NRXN1: variants seen among roughly 807,000 people sequenced by gnomAD.
NRXN1 encodes the protein neurexin-1.
A neutral mutation model predicts 150.9 loss-of-function variants in NRXN1; 39 were observed. That is an observed-to-expected ratio of 0.26 (90% confidence interval 0.20 to 0.34). The LOEUF (loss-of-function observed/expected upper bound fraction) is 0.34. Ranked by LOEUF, NRXN1 falls within the 10% of genes least tolerant of loss-of-function variation. NRXN1 has a pLI of 1.00. For missense variants in NRXN1, 1,815 were observed against 1,949.9 expected (o/e 0.93, Z 1.30); for synonymous variants, 924 against 757.0 (o/e 1.22, Z -3.62).
intron 5 of NRXN1, among the ~76,000 whole-genome samples, chr2:50,897,474 G>T (rs957131353): frequency 1.4e-4 from 22 of 152,074 alleles, no homozygotes; most frequent in Admixed American, 1.4e-3. Flanking sequence ...AGGTGCTGAA[G>T]GGATACAAAG....
intron 17 of NRXN1, among the ~76,000 whole-genome samples, chr2:50,397,302 G>A (rs1172827101): frequency 6.6e-6 from 1 of 152,076 alleles, no homozygotes; most frequent in Non-Finnish European, 1.5e-5. Context: ...TGTGCTTTAA[G>A]ATGGAAGACA....
chr2:50,282,867 A>G (rs2071644198), intron 17 of NRXN1, among the ~76,000 whole-genome samples: 1 of 152,178 alleles, frequency 6.6e-6, no homozygotes, highest in Admixed American at 6.5e-5. Context: ...TGTATCAATT[A>G]ACAATATTAT....
chr2:50,069,854 T>TTG (rs1553557630), intron 19 of NRXN1, among the ~76,000 whole-genome samples: 2,528 of 139,722 alleles, frequency 0.018, 85 homozygotes, highest in African/African-American at 0.068. Flanking sequence ...GGGGTTTTTT[T>TTG]TTTTTTTTTT....
intron 18 of NRXN1, among the ~76,000 whole-genome samples, chr2:50,138,890 A>G (rs1191311134): frequency 6.6e-6 from 1 of 152,234 alleles, no homozygotes; most frequent in Non-Finnish European, 1.5e-5. Flanking sequence ...AATGTGTGCC[A>G]TAAAACCCTG....
chr2:50,196,422 TTTTA>T (rs2152828538), intron 18 of NRXN1, among the ~76,000 whole-genome samples: 1 of 152,264 alleles, frequency 6.6e-6, no homozygotes, highest in East Asian at 1.9e-4. Flanking sequence ...CCTCATCAAA[TTTTA>T]TTTATGTTTT....
chr2:50,894,306 T>C (rs529412140), intron 5 of NRXN1, among the ~76,000 whole-genome samples: 145 of 149,834 alleles, frequency 9.7e-4, no homozygotes, highest in African/African-American at 3.4e-3. Context: ...AAATGTGACA[T>C]GTCTAAAACA....
In NRXN1 at chr2:50,538,360, G is replaced by T; in HGVS notation, c.2036C>A (p.Pro679Gln). ...KPSCSKETAK[P>Q]CLSNPCKNNG... ...GTTTTTGCAAGGGTTGCTAAGGCAC[G>T]GTTTTGCTGTTTCCTTTGAGCAGGA... The change falls in exon 10 of 23, where the codon CCG becomes CAG. Residue 679 changes from proline (P) to glutamine (Q), a missense_variant. Coordinates refer to ENST00000401669, the MANE Select transcript of NRXN1 (RefSeq NM_001330078.2). 1 of 1,613,980 alleles carries T rather than the reference G, an allele frequency of 6.2e-7. No homozygotes were observed. Among genetic ancestry groups the T allele is most frequent in the Non-Finnish European group, 8.5e-7 (1 of 1,179,886 alleles).
At chr2:50,851,638 G>A (rs561111736) in intron 5 of NRXN1, among the ~76,000 whole-genome samples, 2 of 152,192 alleles carry the variant, frequency 1.3e-5, no homozygotes, top group East Asian at 3.9e-4. Flanking sequence ...GCAATTGAGT[G>A]TGGCTTGTTA....
At chr2:50,926,214 C>A (rs1021539235) in intron 2 of NRXN1, among the ~76,000 whole-genome samples, 7 of 151,944 alleles carry the variant, frequency 4.6e-5, no homozygotes, top group African/African-American at 1.4e-4. Context: ...AATCTTTCAA[C>A]TACCCAGTAT....
rs2105344687 is a variant in NRXN1, at chr2:50,552,684, C to T, written c.1662G>A (p.Leu554=). 1 of 1,613,854 alleles carries T rather than the reference C, an allele frequency of 6.2e-7. No individual in the cohort carries two copies. The highest frequency in any genetic ancestry group is 8.5e-7 in the Non-Finnish European group (1 of 1,179,814). ...EMLDGHLYLL[L]DMGSGTIKIK... ...TTTTTATAGTACCTGACCCCATGTC[C>T]AGGAGGAGGTAGAGGTGGCCATCTA... The change falls in exon 9 of 23, where the codon CTG becomes CTA. Residue 554 remains leucine, a synonymous_variant. Coordinates refer to ENST00000401669, the MANE Select transcript of NRXN1 (RefSeq NM_001330078.2).
chr2:50,698,981 T>C (rs1009359733), intron 5 of NRXN1, among the ~76,000 whole-genome samples: 7 of 152,180 alleles, frequency 4.6e-5, no homozygotes, highest in African/African-American at 1.2e-4. Context: ...TAAGAACCTA[T>C]ACTACCAATT....
intron 22 of NRXN1, among the ~76,000 whole-genome samples, chr2:49,930,965 A>G (rs1670027438): frequency 6.6e-6 from 1 of 152,182 alleles, no homozygotes; most frequent in Non-Finnish European, 1.5e-5. Flanking sequence ...TACTGTCTCT[A>G]GAAAAAATTA....
intron 17 of NRXN1, among the ~76,000 whole-genome samples, chr2:50,340,718 AAAAG>A (rs2077488089): frequency 6.6e-6 from 1 of 152,230 alleles, no homozygotes. Flanking sequence ...CAATTTAAAA[AAAAG>A]AGAGAGAGAA....
At chr2:50,528,679 G>T in intron 11 of NRXN1, 28 bp from the exon 12 acceptor site, 1 of 1,485,008 alleles carries the variant, frequency 6.7e-7, no homozygotes, top group East Asian at 2.3e-5. Flanking sequence ...GATGAAAAAT[G>T]AAAATTCATC....
At chr2:50,383,456 AT>A (rs1558638796) in intron 17 of NRXN1, among the ~76,000 whole-genome samples, 3 of 152,214 alleles carry the variant, frequency 2.0e-5, no homozygotes, top group African/African-American at 7.2e-5. Flanking sequence ...ACAAAAAAAA[AT>A]TCTTTTAAAG....
At chr2:50,708,845 G>C (rs1321882906) in intron 5 of NRXN1, among the ~76,000 whole-genome samples, 1 of 152,126 alleles carries the variant, frequency 6.6e-6, no homozygotes. Context: ...TGACAGTGAA[G>C]AAACCCTAGG....
chr2:50,952,917 A>T (rs922382784), intron 2 of NRXN1, among the ~76,000 whole-genome samples: 5 of 152,242 alleles, frequency 3.3e-5, no homozygotes, highest in African/African-American at 1.2e-4. Context: ...TGCTAGAAGA[A>T]GTGAATCGTT....
chr2:50,168,624 T>C (rs906318512), intron 18 of NRXN1, among the ~76,000 whole-genome samples: 3 of 152,216 alleles, frequency 2.0e-5, no homozygotes, highest in African/African-American at 4.8e-5. Flanking sequence ...AATCTTCTGA[T>C]TCTGGAGCCT....
At chr2:50,813,531 C>G (rs924007513) in intron 5 of NRXN1, among the ~76,000 whole-genome samples, 1 of 152,080 alleles carries the variant, frequency 6.6e-6, no homozygotes, top group African/African-American at 2.4e-5. Flanking sequence ...ATGGCTTAAA[C>G]TTAACTCTTC....
Sources: gnomAD v4.1 joint callset for allele counts (sites outside exome capture counted in the v4.1 genomes callset) on GRCh38, gnomAD v4.1.1 for gene constraint, MANE v1.5 for transcripts, NCBI Gene and HGNC (gene_info 2026-07-23, HGNC 2026-07-21) for gene names.